Variants in HIVEP3 observed in about 807,000 individuals in gnomAD.
The protein encoded by HIVEP3 is transcription factor HIVEP3.
HIVEP3 carries 49 observed loss-of-function variants against 152.8 expected under a neutral mutation model. That is an observed-to-expected ratio of 0.32 (90% CI 0.26 to 0.41). The LOEUF (loss-of-function observed/expected upper bound fraction) is 0.41, where lower values mean the gene tolerates loss of function less well. Ranked by LOEUF, HIVEP3 falls within the 10% of genes least tolerant of loss-of-function variation. The pLI is 1.00. For missense variants in HIVEP3, 2,790 were observed against 3,103.3 expected (o/e 0.90, Z 2.40); for synonymous variants, 1,269 against 1,289.0 (o/e 0.98, Z 0.33).
At chr1:41,692,189 C>T (rs1163333720) in intron 2 of HIVEP3, among the ~76,000 whole-genome samples, 1 of 152,238 alleles carries the variant, frequency 6.6e-6, no homozygotes, top group Non-Finnish European at 1.5e-5. Flanking sequence ...CCAGATGAGG[C>T]TGAATGAGGC....
At chr1:41,949,339 T>G (rs1645092712) in intron 1 of HIVEP3, among the ~76,000 whole-genome samples, 1 of 152,214 alleles carries the variant, frequency 6.6e-6, no homozygotes, top group African/African-American at 2.4e-5. Context: ...CAACCCCTAC[T>G]CAGTTCTACA....
intron 2 of HIVEP3, among the ~76,000 whole-genome samples, chr1:41,640,359 C>A (rs934057281): frequency 6.6e-6 from 1 of 152,074 alleles, no homozygotes; most frequent in African/African-American, 2.4e-5. Context: ...AGCCCTCTGT[C>A]ACAGAAAGCC....
intron 1 of HIVEP3, among the ~76,000 whole-genome samples, chr1:41,725,687 A>AC (rs1646741833): frequency 6.6e-6 from 1 of 152,114 alleles, no homozygotes; most frequent in East Asian, 1.9e-4. Flanking sequence ...TCCTCCAGTG[A>AC]CCCCCAAAAG....
intron 1 of HIVEP3, among the ~76,000 whole-genome samples, chr1:41,863,232 A>G (rs1349639316): frequency 6.6e-6 from 1 of 152,198 alleles, no homozygotes; most frequent in East Asian, 1.9e-4. Flanking sequence ...AGCTGAAAGT[A>G]AACTGCGTAA....
chr1:41,841,323 A>T (rs1477722515), intron 1 of HIVEP3, among the ~76,000 whole-genome samples: 1 of 152,184 alleles, frequency 6.6e-6, no homozygotes, highest in Non-Finnish European at 1.5e-5. Context: ...CCAAACAAAA[A>T]CAAAGAAACC....
rs192815876 is a variant in HIVEP3, at chr1:41,713,284, C to T, written c.-800-12289G>A. Among the ~76,000 whole-genome samples, 477 of 152,304 alleles carry T rather than the reference C, an allele frequency of 3.1e-3. 3 individuals are homozygous for T. The highest frequency in any genetic ancestry group is 0.011 in the African/African-American group (444 of 41,560). On this transcript the variant is annotated intron_variant, in intron 1 of 8. Coordinates refer to ENST00000372583, the MANE Select transcript of HIVEP3 (RefSeq NM_024503.5). The stretch of plus-strand genomic sequence containing the variant: ...CTTGTTTTCTCTTTCTGGGTCTGCT[C>T]TTTGTCCCTGAATAGGACTGCCAAC...
chr1:41,783,328 G>A (rs1257989457), intron 1 of HIVEP3, among the ~76,000 whole-genome samples: 4 of 152,256 alleles, frequency 2.6e-5, no homozygotes, highest in Non-Finnish European at 4.4e-5. Context: ...TGAGCCACAC[G>A]CTTCGGAAGG....
intron 1 of HIVEP3, among the ~76,000 whole-genome samples, chr1:41,815,520 GAAC>G (rs1651207555): frequency 2.6e-5 from 4 of 152,184 alleles, no homozygotes; most frequent in Admixed American, 1.3e-4. Context: ...TAGACAGAAG[GAAC>G]AACAAGTACA....
At chr1:41,811,385 A>C (rs973984418) in intron 1 of HIVEP3, among the ~76,000 whole-genome samples, 2 of 151,684 alleles carry the variant, frequency 1.3e-5, no homozygotes, top group African/African-American at 4.8e-5. Context: ...AGAGGAAAAC[A>C]GTCTGGTGTT....
chr1:41,581,931 T>C lies in HIVEP3; in HGVS notation c.2867A>G (p.Lys956Arg). The change falls in exon 4 of 9, where the codon AAA becomes AGA. Residue 956 changes from lysine (K) to arginine (R), a missense_variant. Lys to Arg is a conservative substitution (Grantham distance 26). Coordinates refer to ENST00000372583, the MANE Select transcript of HIVEP3 (RefSeq NM_024503.5). The surrounding 1 kb of genome is among the most constrained non-coding windows in gnomAD (Gnocchi z 4.5). ...SASFERDDHG[K>R]AEAPSPSSDM... The stretch of plus-strand genomic sequence containing the variant: ...AGATGAGGGACTGGGGGCCTCGGCT[T>C]TCCCATGGTCATCCCTCTCAAACGA... 1.2e-6 allele frequency: 2 copies of C among 1,614,084 alleles called. No homozygotes were observed. The highest frequency in any genetic ancestry group is 1.7e-6 in the Non-Finnish European group (2 of 1,180,016).
intron 3 of HIVEP3, among the ~76,000 whole-genome samples, chr1:41,604,237 G>T (rs1001246851): frequency 6.6e-6 from 1 of 152,134 alleles, no homozygotes; most frequent in African/African-American, 2.4e-5. Context: ...TTTCATAGCA[G>T]ATCTATTCAT....
chr1:41,676,736 C>T (rs1645962436), intron 2 of HIVEP3, among the ~76,000 whole-genome samples: 1 of 152,178 alleles, frequency 6.6e-6, no homozygotes, highest in Non-Finnish European at 1.5e-5. Flanking sequence ...CAGGGCTTCC[C>T]TTCACAGGAG....
intron 1 of HIVEP3, among the ~76,000 whole-genome samples, chr1:41,711,552 C>T (rs1206130568): frequency 6.6e-6 from 1 of 152,212 alleles, no homozygotes. Context: ...CTCTTTGAGC[C>T]TTAGACTTCC....
chr1:41,636,716 G>T (rs1330516596), intron 2 of HIVEP3, among the ~76,000 whole-genome samples: 1 of 152,060 alleles, frequency 6.6e-6, no homozygotes, highest in Non-Finnish European at 1.5e-5. Context: ...CGTTAATAAA[G>T]AATATATTTA....
chr1:41,559,005 GCA>G (rs1273433731), intron 5 of HIVEP3, among the ~76,000 whole-genome samples: 1 of 152,006 alleles, frequency 6.6e-6, no homozygotes, highest in African/African-American at 2.4e-5. Context: ...CTGGGCCCCA[GCA>G]CACACCTCCC....
rs115312995 is a variant in HIVEP3 at position 41,795,048 on chromosome 1, C to T, written c.-800-94053G>A. Among the ~76,000 whole-genome samples, 1,415 of 152,292 alleles carry T rather than the reference C, an allele frequency of 9.3e-3. 8 individuals are homozygous for T. Among genetic ancestry groups the T allele is most frequent in the African/African-American group, 0.011 (463 of 41,558 alleles). On this transcript the variant is annotated intron_variant, in intron 1 of 8. Transcript: ENST00000372583. The stretch of plus-strand genomic sequence containing the variant: ...AAGACTATATAGTCATGTGCTACCA[C>T]GCCCAGGTAAACTAAGAAATTAACA...
chr1:41,787,957 T>TG (rs1255273657), intron 1 of HIVEP3, among the ~76,000 whole-genome samples: 1 of 152,046 alleles, frequency 6.6e-6, no homozygotes, highest in South Asian at 2.1e-4. Flanking sequence ...TCTGAGCCCC[T>TG]GGGGAGAGAG....
intron 1 of HIVEP3, among the ~76,000 whole-genome samples, chr1:41,804,140 A>T (rs180832186): frequency 6.6e-6 from 1 of 152,334 alleles, no homozygotes; most frequent in East Asian, 1.9e-4. Context: ...ATAACTGAGC[A>T]AACAGCTCCT....
intron 1 of HIVEP3, among the ~76,000 whole-genome samples, chr1:41,712,204 A>G (rs1033448213): frequency 6.6e-6 from 1 of 152,248 alleles, no homozygotes; most frequent in Non-Finnish European, 1.5e-5. Flanking sequence ...CAGATTCGAC[A>G]CATGCAGTTA....
Sources: allele counts gnomAD v4.1 joint callset (sites outside exome capture counted in the v4.1 genomes callset), GRCh38; gene constraint gnomAD v4.1.1; non-coding constraint Gnocchi (gnomAD v3.1); transcripts MANE v1.5; gene names NCBI Gene and HGNC (gene_info 2026-07-23, HGNC 2026-07-21).